The following RIPK2 variants were observed in gnomAD, a reference collection of about 807,000 sequenced individuals.
The protein encoded by RIPK2 is receptor-interacting serine/threonine-protein kinase 2.
A neutral mutation model predicts 60.9 loss-of-function variants in RIPK2; 38 were observed. That is an observed-to-expected ratio of 0.62 (90% CI 0.48 to 0.82). The LOEUF (loss-of-function observed/expected upper bound fraction) is 0.82, where lower values mean the gene tolerates loss of function less well. Ranked by LOEUF, RIPK2 falls within the 40% of genes least tolerant of loss-of-function variation. RIPK2 has a pLI of 0.00. For missense variants in RIPK2, 518 were observed against 647.0 expected (o/e 0.80, Z 2.16); for synonymous variants, 225 against 223.4 (o/e 1.01, Z -0.06).
chr8:89,786,209 C>T (rs963785548), intron 8 of RIPK2, among the ~76,000 whole-genome samples: 1 of 152,176 alleles, frequency 6.6e-6, no homozygotes, highest in African/African-American at 2.4e-5. Flanking sequence ...CACAATGGCT[C>T]ACACCTGTAA....
At position 89,758,158 on chromosome 8, in the gene RIPK2, C is replaced by T. The variant is rs775449464; in HGVS notation, c.98C>T (p.Ser33Leu). Residue 33 changes from serine to leucine, a missense_variant, in exon 1 of 11, where the codon TCG becomes TTG. This residue lies in a region of RIPK2 where 448 missense variants were observed against 534.7 expected (regional missense o/e 0.84). Coordinates refer to ENST00000220751, the MANE Select transcript of RIPK2 (RefSeq NM_003821.6). ...YLSRGASGTV[S>L]SARHADWRVQ... ...AGCCGCGGCGCCTCTGGCACTGTGT[C>T]GTCCGCCCGCCACGCAGACTGGCGC... The T allele has an allele frequency of 1.9e-6, 3 of 1,595,182 alleles. No homozygotes were observed. The highest frequency in any genetic ancestry group is 2.6e-6 in the Non-Finnish European group (3 of 1,172,770).
chr8:89,765,664 A>G (rs1349857111), intron 3 of RIPK2, among the ~76,000 whole-genome samples, 168 bp downstream of exon 3: 1 of 151,784 alleles, frequency 6.6e-6, no homozygotes, highest in Non-Finnish European at 1.5e-5. Flanking sequence ...CCTTCTTCCT[A>G]CTGCAGTTAG....
intron 2 of RIPK2, among the ~76,000 whole-genome samples, chr8:89,763,635 T>C (rs955543438): frequency 1.3e-5 from 2 of 152,196 alleles, no homozygotes; most frequent in Non-Finnish European, 1.5e-5. Flanking sequence ...GAGGGTTGGC[T>C]TAATTAAAAC....
intron 5 of RIPK2, 120 bp from the exon 6 acceptor site, chr8:89,772,547 G>GGT (rs1292934858): frequency 1.5e-6 from 1 of 666,154 alleles, no homozygotes; most frequent in African/African-American, 1.9e-5. Flanking sequence ...CAGAAAGGGG[G>GGT]GTAAGGCATC....
At chr8:89,773,540 C>T (rs1809348243) in intron 6 of RIPK2, among the ~76,000 whole-genome samples, 1 of 152,068 alleles carries the variant, frequency 6.6e-6, no homozygotes, top group South Asian at 2.1e-4. Flanking sequence ...GATTTTTATT[C>T]CAAGTGCAAT....
chr8:89,772,771 A>G lies in RIPK2; in HGVS notation c.796A>G (p.Ile266Val), dbSNP rs751075961. 1 of 1,612,116 alleles carries G rather than the reference A, an allele frequency of 6.2e-7. No individual in the cohort carries two copies. Among genetic ancestry groups the G allele is most frequent in the East Asian group, 2.2e-5 (1 of 44,794 alleles). Reference protein sequence around the residue: ...PYDIPHRARMISLIESGWAQN... With the variant: ...PYDIPHRARMVSLIESGWAQN... ...TGATATACCTCACCGAGCACGTATG[A>G]TCTCTCTAATAGAAAGTGGATGGGC... The change falls in exon 6 of 11, where the codon ATC (isoleucine) becomes GTC (valine). Residue 266 changes from isoleucine to valine, a missense_variant. Ile to Val is a conservative substitution (Grantham distance 29). Transcript: ENST00000220751.
intron 7 of RIPK2, among the ~76,000 whole-genome samples, chr8:89,781,520 A>G (rs1054130916): frequency 1.8e-4 from 28 of 152,158 alleles, no homozygotes; most frequent in African/African-American, 6.7e-4. Context: ...GGCGTGGGCT[A>G]CCACACTCAG....
intron 6 of RIPK2, among the ~76,000 whole-genome samples, chr8:89,779,487 T>G (rs1172462971): frequency 6.6e-6 from 1 of 151,622 alleles, no homozygotes; most frequent in South Asian, 2.1e-4. Context: ...GCTAATTTTC[T>G]TTTTTTGTAT....
intron 6 of RIPK2, among the ~76,000 whole-genome samples, chr8:89,776,249 A>C (rs954756215): frequency 1.3e-5 from 2 of 152,190 alleles, no homozygotes; most frequent in South Asian, 4.1e-4. Context: ...CTCTTTCCTG[A>C]GGATTGAACT....
At chr8:89,774,525 G>A (rs1042348810) in intron 6 of RIPK2, among the ~76,000 whole-genome samples, 1 of 152,136 alleles carries the variant, frequency 6.6e-6, no homozygotes, top group African/African-American at 2.4e-5. Flanking sequence ...ATACAACCAA[G>A]CAATCCACTA....
chr8:89,786,126 G>C (rs1287224680), intron 8 of RIPK2, among the ~76,000 whole-genome samples: 1 of 152,130 alleles, frequency 6.6e-6, no homozygotes, highest in Non-Finnish European at 1.5e-5. Context: ...GTTTATCTTT[G>C]TTGGTTATTT....
intron 8 of RIPK2, among the ~76,000 whole-genome samples, chr8:89,785,811 G>A (rs1183170026): frequency 6.6e-6 from 1 of 152,178 alleles, no homozygotes; most frequent in Non-Finnish European, 1.5e-5. Flanking sequence ...CCAAAAACCT[G>A]AGAGCCAGAG....
intron 6 of RIPK2, among the ~76,000 whole-genome samples, chr8:89,777,739 A>G (rs923679072): frequency 6.6e-6 from 1 of 152,138 alleles, no homozygotes; most frequent in Admixed American, 6.5e-5. Flanking sequence ...TTTTTTTCCT[A>G]GGATGACTGT....
intron 6 of RIPK2, among the ~76,000 whole-genome samples, chr8:89,776,656 C>T (rs1046075838): frequency 1.3e-5 from 2 of 152,174 alleles, no homozygotes; most frequent in African/African-American, 4.8e-5. Context: ...ACCACCCCCG[C>T]CAGGGGTCCC....
intron 1 of RIPK2, among the ~76,000 whole-genome samples, chr8:89,758,882 TTTTAC>T (rs1424799328): frequency 6.6e-6 from 1 of 152,236 alleles, no homozygotes; most frequent in Non-Finnish European, 1.5e-5. Flanking sequence ...ATGTGTTTCT[TTTTAC>T]TTTATGTGGC....
chr8:89,762,031 C>CA (rs35751963), intron 1 of RIPK2, among the ~76,000 whole-genome samples: 13,652 of 146,926 alleles, frequency 0.093, 1,880 homozygotes, highest in African/African-American at 0.3. Context: ...CTTGTCTCTA[C>CA]AAAAAAAAAA....
At chr8:89,764,550 A>C (rs1049060564) in intron 2 of RIPK2, among the ~76,000 whole-genome samples, 1 of 152,148 alleles carries the variant, frequency 6.6e-6, no homozygotes, top group Non-Finnish European at 1.5e-5. Context: ...AAATTGCCTG[A>C]TCTTCCAAAG....
At chr8:89,787,095 G>A (rs1439896296) in intron 9 of RIPK2, among the ~76,000 whole-genome samples, 1 of 151,986 alleles carries the variant, frequency 6.6e-6, no homozygotes, top group Non-Finnish European at 1.5e-5. Context: ...GAACCTGGGA[G>A]GGAGGTTGCA....
At position 89,780,066 on chromosome 8, in the gene RIPK2, C is replaced by T. The variant is rs1348940403; in HGVS notation, c.854-9C>T. 2 of 1,383,274 alleles carry T rather than the reference C, an allele frequency of 1.4e-6. No individual in the cohort carries two copies. Among genetic ancestry groups the T allele is most frequent in the Admixed American group, 2.0e-5 (1 of 50,660 alleles). 85.7% of individuals were successfully genotyped at this position (1,383,274 alleles called of 1,614,324 possible). ...CTGAACTCAACCTGTATTTTTTTCTCTTATGTAGAATGTTTAATAGAACTT... is the reference window on the plus strand; with the variant it reads ...CTGAACTCAACCTGTATTTTTTTCTTTTATGTAGAATGTTTAATAGAACTT... On this transcript the variant is annotated splice_polypyrimidine_tract_variant and intron_variant, in intron 6 of 10. Transcript: ENST00000220751.
Sources: allele counts gnomAD v4.1 joint callset (sites outside exome capture counted in the v4.1 genomes callset), GRCh38; gene constraint gnomAD v4.1.1; regional missense constraint gnomAD v4.1.1; transcripts MANE v1.5; gene names NCBI Gene and HGNC (gene_info 2026-07-23, HGNC 2026-07-21).